Variants in GRIK2 observed in about 807,000 individuals in gnomAD.
The protein encoded by GRIK2 is glutamate receptor ionotropic, kainate 2.
Under a neutral mutation model 100.3 loss-of-function variants are expected in GRIK2, and 32 were observed. The ratio of observed to expected loss-of-function variants is 0.32; its 90% CI spans 0.24 to 0.43. GRIK2 has a LOEUF of 0.43. Ranked by LOEUF, GRIK2 falls within the 20% of genes least tolerant of loss-of-function variation. GRIK2 has a pLI of 1.00. For missense variants in GRIK2, 843 were observed against 1,114.9 expected, an observed-to-expected ratio of 0.76 and a Z score of 3.47; for synonymous variants, 417 against 389.4, an observed-to-expected ratio of 1.07 and a Z score of -0.83.
intron 2 of GRIK2, among the ~76,000 whole-genome samples, chr6:101,528,888 T>C (rs564493246): frequency 7.6e-4 from 115 of 152,248 alleles, no homozygotes; most frequent in Middle Eastern, 3.4e-3. Flanking sequence ...AAATTTAAGA[T>C]GAGGAAGGGA....
intron 11 of GRIK2, 35 bp from the exon 12 acceptor site, chr6:101,889,605 C>CTTTTTTTTTTTTTTTTTTTTTTTTCTT: frequency 1.4e-6 from 1 of 711,240 alleles, no homozygotes. Flanking sequence ...TTCTTTCTTT[C>CTTTTTTTTTTTTTTTTTTTTTTTTCTT]TTTTTTTTTT....
At chr6:101,995,861 A>G (rs1430303895) in intron 14 of GRIK2, among the ~76,000 whole-genome samples, 4 of 152,050 alleles carry the variant, frequency 2.6e-5, no homozygotes, top group Non-Finnish European at 5.9e-5. Context: ...TCTAGTTTAA[A>G]CAACATACTA....
chr6:101,731,180 GT>G (rs1775242131), intron 7 of GRIK2, among the ~76,000 whole-genome samples: 1 of 151,950 alleles, frequency 6.6e-6, no homozygotes, highest in African/African-American at 2.4e-5. Flanking sequence ...AAGTGAAATT[GT>G]GTCTCTTTGA....
At chr6:101,913,777 T>A (rs894925157) in intron 12 of GRIK2, among the ~76,000 whole-genome samples, 1 of 151,558 alleles carries the variant, frequency 6.6e-6, no homozygotes, top group Admixed American at 6.6e-5. Flanking sequence ...ATATGAATGC[T>A]ATGTAAGATG....
At chr6:101,920,705 A>G (rs1257349144) in intron 12 of GRIK2, among the ~76,000 whole-genome samples, 1 of 146,636 alleles carries the variant, frequency 6.8e-6, no homozygotes, top group East Asian at 2.0e-4. Flanking sequence ...ATATGAGCAA[A>G]GAAATGAATA....
intron 14 of GRIK2, among the ~76,000 whole-genome samples, chr6:101,990,692 T>C (rs1395031719): frequency 6.6e-6 from 1 of 151,618 alleles, no homozygotes; most frequent in Non-Finnish European, 1.5e-5. Context: ...AGGGTGCTTC[T>C]AGTTTTCAGC....
At chr6:101,736,792 T>C (rs1274262295) in intron 7 of GRIK2, among the ~76,000 whole-genome samples, 1 of 152,214 alleles carries the variant, frequency 6.6e-6, no homozygotes, top group African/African-American at 2.4e-5. Flanking sequence ...TATTCAAATT[T>C]CTGTAGTCAG....
chr6:102,021,166 A>AAG (rs1412425166), intron 14 of GRIK2, among the ~76,000 whole-genome samples: 1 of 151,778 alleles, frequency 6.6e-6, no homozygotes, highest in Admixed American at 6.6e-5. Flanking sequence ...GATAAAGACA[A>AAG]ATAGTTAAAG....
Position 101,858,386 on chromosome 6 carries a change from C to CTTTTTTTTTTTTTTTTTTTTTTT in GRIK2, c.1318-882_1318-881insTTTTTTTTTTTTTTTTTTTTTTT, listed in dbSNP as rs780526806. On this transcript the variant is annotated intron_variant, in intron 10 of 16. Coordinates refer to ENST00000369134, the MANE Select transcript of GRIK2 (RefSeq NM_021956.5). ...CCTCTCTCTCTCTCTATTTTTTTTTCTTTTTTTTTTTTTTTTTTTGAGACG... is the reference window on the plus strand; with the variant it reads ...CCTCTCTCTCTCTCTATTTTTTTTTCTTTTTTTTTTTTTTTTTTTTTTTTTTTTTTTTTTTTTTTTTTGAGACG... 2.2e-5 allele frequency among the ~76,000 whole-genome samples: 2 copies of CTTTTTTTTTTTTTTTTTTTTTTT among 91,654 alleles called. 1 individual carries two copies. Among genetic ancestry groups the CTTTTTTTTTTTTTTTTTTTTTTT allele is most frequent in the Non-Finnish European group, 4.6e-5 (2 of 43,644 alleles). 60.1% of individuals were successfully genotyped at this position (91,654 alleles called of 152,430 possible). A position where few individuals can be genotyped will look rare whatever the true frequency, so the allele number is the denominator to read the frequency against.
chr6:101,699,952 G>A (rs1443377573), intron 7 of GRIK2, among the ~76,000 whole-genome samples: 1 of 152,016 alleles, frequency 6.6e-6, no homozygotes, highest in African/African-American at 2.4e-5. Flanking sequence ...TTCACGACCA[G>A]CATAGACAAC....
chr6:101,767,414 T>A (rs573345658), intron 7 of GRIK2, among the ~76,000 whole-genome samples: 1 of 152,288 alleles, frequency 6.6e-6, no homozygotes, highest in South Asian at 2.1e-4. Context: ...TCTTTATGTA[T>A]TTATGGAGAT....
chr6:101,975,297 T>G (rs9498781), intron 14 of GRIK2, among the ~76,000 whole-genome samples: 2,477 of 151,996 alleles, frequency 0.016, 71 homozygotes, highest in African/African-American at 0.058. Context: ...TGGGAATAGA[T>G]GAAATCACCT....
At chr6:101,561,469 T>C (rs1225264173) in intron 2 of GRIK2, among the ~76,000 whole-genome samples, 1 of 152,084 alleles carries the variant, frequency 6.6e-6, no homozygotes, top group Non-Finnish European at 1.5e-5. Flanking sequence ...TTTGATTGTA[T>C]AGTAGGGAAG....
intron 14 of GRIK2, among the ~76,000 whole-genome samples, chr6:102,014,696 A>G (rs953190888): frequency 6.6e-6 from 1 of 152,102 alleles, no homozygotes; most frequent in Non-Finnish European, 1.5e-5. Flanking sequence ...TATTTACTGC[A>G]AAGTCATTCA....
intron 4 of GRIK2, among the ~76,000 whole-genome samples, chr6:101,656,566 A>C (rs1412057591): frequency 6.6e-6 from 1 of 152,178 alleles, no homozygotes; most frequent in Admixed American, 6.6e-5. Flanking sequence ...TGTCATTGTT[A>C]AGGGCAACAG....
At chr6:102,046,061 T>G (rs902231192) in intron 15 of GRIK2, among the ~76,000 whole-genome samples, 2 of 151,724 alleles carry the variant, frequency 1.3e-5, no homozygotes, top group East Asian at 1.9e-4. Context: ...ATACTTAGAG[T>G]TCAAGTGAAA....
chr6:101,777,364 G>A (rs940205046), intron 7 of GRIK2, among the ~76,000 whole-genome samples: 6 of 152,306 alleles, frequency 3.9e-5, no homozygotes, highest in African/African-American at 9.6e-5. Context: ...AGGGGTGGGC[G>A]ATTGTCTGTC....
Position 101,666,213 on chromosome 6 carries a change from C to T in GRIK2, c.542-10410C>T, listed in dbSNP as rs117436574. The stretch of plus-strand genomic sequence containing the variant: ...AACAATGTAGGTTAAAATTGGCCAA[C>T]GGAAGGAGTGCATAGGGAAGAGTCC... On this transcript the variant is annotated intron_variant, in intron 4 of 16. Transcript: ENST00000369134. Among the ~76,000 whole-genome samples, 414 of 152,234 alleles carry T rather than the reference C, an allele frequency of 2.7e-3. 8 individuals are homozygous for T. In the East Asian group the frequency reaches 0.05, roughly 18 times the overall value.
At chr6:101,424,779 A>C (rs1353500738) in intron 2 of GRIK2, among the ~76,000 whole-genome samples, 1 of 146,886 alleles carries the variant, frequency 6.8e-6, no homozygotes, top group East Asian at 2.0e-4. Context: ...ATGTGTTCTC[A>C]TTGTTCAATT....
Sources: gnomAD v4.1 joint callset for allele counts (sites outside exome capture counted in the v4.1 genomes callset) on GRCh38, gnomAD v4.1.1 for gene constraint, MANE v1.5 for transcripts, NCBI Gene and HGNC (gene_info 2026-07-23, HGNC 2026-07-21) for gene names.